MAP3K2: variants seen among roughly 807,000 people sequenced by gnomAD.
The protein encoded by MAP3K2 is mitogen-activated protein kinase kinase kinase 2, also known as MAP/ERK kinase kinase 2.
A neutral mutation model predicts 80.3 loss-of-function variants in MAP3K2; 24 were observed. The ratio of observed to expected loss-of-function variants is 0.30; its 90% CI spans 0.22 to 0.42. MAP3K2 has a LOEUF of 0.42. Ranked by LOEUF, MAP3K2 falls within the 10% of genes least tolerant of loss-of-function variation. The pLI, the probability that MAP3K2 is intolerant of heterozygous loss-of-function variation, is 1.00. For missense variants in MAP3K2, 608 were observed against 750.1 expected, an observed-to-expected ratio of 0.81 and a Z score of 2.21; for synonymous variants, 244 against 253.7, an observed-to-expected ratio of 0.96 and a Z score of 0.36.
rs944312575 is a variant in MAP3K2, at chr2:127,338,855, A to G, written c.123+77T>C. On this transcript the variant is annotated intron_variant, in intron 3 of 16. Transcript: ENST00000682094. ...TGATTCGAAAGTGTAAAAGCTGAAC[A>G]CATTAAACAAGTCCTCCATAAGATT... 53 of 938,934 alleles carry G rather than the reference A, an allele frequency of 5.6e-5. No individual in the cohort carries two copies. The Middle Eastern group carries it at 1.5e-3, about 26-fold the overall frequency. 58.2% of individuals were successfully genotyped at this position (938,934 alleles called of 1,614,324 possible). A position where few individuals can be genotyped will look rare whatever the true frequency, so the allele number is the denominator to read the frequency against.
rs78075546 is a variant in MAP3K2, at chr2:127,367,963, C to G, written c.-66+19489G>C. Among the ~76,000 whole-genome samples the G allele has an allele frequency of 3.1e-3, 471 of 152,346 alleles. 18 individuals carry two copies. The East Asian group carries it at 0.082, about 26-fold the overall frequency. On this transcript the variant is annotated intron_variant, in intron 1 of 16. Transcript: ENST00000682094. ...AACTACAGTCATCCCTCAGTATCCA[C>G]AAGGGACTTGTCTCAGGACCCCATA... is the stretch of plus-strand genomic sequence containing the variant.
rs981527271 is a variant in MAP3K2 at position 127,305,864 on chromosome 2, T to C, written c.*1715A>G. On this transcript the variant is annotated 3_prime_UTR_variant, in exon 17 of 17. Transcript: ENST00000682094. ...AATGTCCTTGCTCTTATTGGATACA[T>C]TGTACTAGAAATACGTGGCAGCTTT... 2.0e-5 allele frequency: 3 copies of C among 152,110 alleles called. No individual in the cohort carries two copies. The highest frequency in any genetic ancestry group is 4.8e-5 in the African/African-American group (2 of 41,424). 9.4% of individuals were successfully genotyped at this position (152,110 alleles called of 1,614,324 possible).
At chr2:127,373,614 T>A (rs577547443) in intron 1 of MAP3K2, among the ~76,000 whole-genome samples, 1 of 152,182 alleles carries the variant, frequency 6.6e-6, no homozygotes, top group African/African-American at 2.4e-5. Context: ...TCAAAGGCAA[T>A]TAGATCGCAC....
chr2:127,384,110 T>C (rs1687301480), intron 1 of MAP3K2, among the ~76,000 whole-genome samples: 2 of 151,798 alleles, frequency 1.3e-5, no homozygotes, highest in African/African-American at 4.8e-5. Context: ...TTAGCCAGGA[T>C]GGTCTTGATC....
Position 127,310,686 on chromosome 2 carries a change from A to T in MAP3K2, c.1457-1924T>A, listed in dbSNP as rs976403405. Among the ~76,000 whole-genome samples, 1 of 152,074 alleles carries T rather than the reference A, an allele frequency of 6.6e-6. No homozygotes were observed. Among genetic ancestry groups the T allele is most frequent in the Admixed American group, 6.6e-5 (1 of 15,260 alleles). Reference sequence around the variant, plus strand: ...AAACAAAAAACCAAGCTTGGGCACTAGGCTCACTTGTTTTTTATTCTCTAT... The same window carrying T: ...AAACAAAAAACCAAGCTTGGGCACTTGGCTCACTTGTTTTTTATTCTCTAT... On this transcript the variant is annotated intron_variant, in intron 15 of 16. Coordinates refer to ENST00000682094, the MANE Select transcript of MAP3K2 (RefSeq NM_001371910.2). The surrounding 1 kb of genome is among the most constrained non-coding windows in gnomAD (Gnocchi z 4.8).
intron 5 of MAP3K2, among the ~76,000 whole-genome samples, chr2:127,332,574 G>A (rs994263433): frequency 6.6e-6 from 1 of 152,212 alleles, no homozygotes; most frequent in South Asian, 2.1e-4. Context: ...TGAGGACTAA[G>A]AGTCATGAAC....
At position 127,304,491 on chromosome 2, in the gene MAP3K2, C is replaced by T. The variant is rs1416423006; in HGVS notation, c.*3088G>A. 1.3e-5 allele frequency: 2 copies of T among 152,208 alleles called. No individual in the cohort carries two copies. The highest frequency in any genetic ancestry group is 4.8e-5 in the African/African-American group (2 of 41,444). 9.4% of individuals were successfully genotyped at this position (152,208 alleles called of 1,614,324 possible). A position where few individuals can be genotyped will look rare whatever the true frequency, so the allele number is the denominator to read the frequency against. ...AGCACATATAAGACTGCTAGTGAAT[C>T]TTCTCCAGCACCAAAAAGTCTGCCA... On this transcript the variant is annotated 3_prime_UTR_variant, in exon 17 of 17. Transcript: ENST00000682094.
chr2:127,346,219 A>T (rs975212738), intron 1 of MAP3K2, among the ~76,000 whole-genome samples: 2 of 151,802 alleles, frequency 1.3e-5, no homozygotes, highest in Non-Finnish European at 2.9e-5. Context: ...AACAAATTAG[A>T]TGACTGAGAT....
intron 1 of MAP3K2, among the ~76,000 whole-genome samples, chr2:127,384,442 C>T (rs1364767990): frequency 6.6e-6 from 1 of 152,054 alleles, no homozygotes; most frequent in African/African-American, 2.4e-5. Flanking sequence ...TTCTAGATGC[C>T]ATTAAGAACA....
rs1685536352 is a variant in MAP3K2, at chr2:127,298,878, C to A, written c.*8701G>T. 1 of 152,030 alleles carries A rather than the reference C, an allele frequency of 6.6e-6. No individual in the cohort carries two copies. Among genetic ancestry groups the A allele is most frequent in the African/African-American group, 2.4e-5 (1 of 41,382 alleles). 9.4% of individuals were successfully genotyped at this position (152,030 alleles called of 1,614,324 possible). A position where few individuals can be genotyped will look rare whatever the true frequency, so the allele number is the denominator to read the frequency against. On this transcript the variant is annotated 3_prime_UTR_variant, in exon 17 of 17. Coordinates refer to ENST00000682094, the MANE Select transcript of MAP3K2 (RefSeq NM_001371910.2). Reference sequence around the variant, plus strand: ...CAACAAAATGTGTGCCAACAATATACAAATTTCCATATAAACAAAGTCATT... The same window carrying A: ...CAACAAAATGTGTGCCAACAATATAAAAATTTCCATATAAACAAAGTCATT...
rs1687372539 is a variant in MAP3K2 at position 127,387,290 on chromosome 2, C to G, written c.-66+162G>C. Among the ~76,000 whole-genome samples, 3 of 152,102 alleles carry G rather than the reference C, an allele frequency of 2.0e-5. No homozygotes were observed. The South Asian group carries it at 6.2e-4, about 32-fold the overall frequency. ...ATGCAGGGGGCCCAAGGTCCGCCCT[C>G]CCGCAGCTAGGCAATCACCCAGCGA... is the stretch of plus-strand genomic sequence containing the variant. On this transcript the variant is annotated intron_variant, in intron 1 of 16. Transcript: ENST00000682094.
chr2:127,388,041 T>C, upstream of MAP3K2: 1 of 982,596 alleles, frequency 1.0e-6, no homozygotes, highest in African/African-American at 1.8e-5. Context: ...CGCCCGGCGG[T>C]AGCGGAACCC....
At chr2:127,367,291 A>T (rs961850437) in intron 1 of MAP3K2, among the ~76,000 whole-genome samples, 5 of 152,192 alleles carry the variant, frequency 3.3e-5, no homozygotes, top group Admixed American at 3.3e-4. Context: ...AGCAACTAAG[A>T]AGTTTTGTAA....
At chr2:127,353,722 A>G (rs1407264434) in intron 1 of MAP3K2, among the ~76,000 whole-genome samples, 2 of 151,692 alleles carry the variant, frequency 1.3e-5, no homozygotes, top group Non-Finnish European at 1.5e-5. Flanking sequence ...CTGCCCGGCC[A>G]CCACCCCGTC....
At chr2:127,319,673 A>AAAAAAG (rs1558975365) in intron 12 of MAP3K2, among the ~76,000 whole-genome samples, 52 of 142,562 alleles carry the variant, frequency 3.6e-4, no homozygotes, top group Middle Eastern at 3.6e-3. Flanking sequence ...AAAAAAAAAA[A>AAAAAAG]AAAAAGAAAA....
rs531534481 is a variant in MAP3K2, at chr2:127,330,043, C to T, written c.379-35G>A. 3 of 1,233,306 alleles carry T rather than the reference C, an allele frequency of 2.4e-6. No homozygotes were observed. The South Asian group carries it at 3.6e-5, about 15-fold the overall frequency. The allele number at this position is 1,233,306 out of a possible 1,614,324, so 76.4% of individuals were successfully genotyped here. ...AGAAAAGACAGTTAATGCTATTCTT[C>T]CTCCTTGGGGCTTTAAACAGAATCC... On this transcript the variant is annotated intron_variant, in intron 6 of 16. Transcript: ENST00000682094.
chr2:127,350,253 T>C (rs1482908275), intron 1 of MAP3K2, among the ~76,000 whole-genome samples: 1 of 151,776 alleles, frequency 6.6e-6, no homozygotes, highest in East Asian at 1.9e-4. Context: ...TTATCAAATA[T>C]GGGACAATTT....
chr2:127,342,875 TCACAA>T (rs754575331), intron 2 of MAP3K2, among the ~76,000 whole-genome samples: 4 of 152,162 alleles, frequency 2.6e-5, no homozygotes, highest in Non-Finnish European at 5.9e-5. Flanking sequence ...TTTAAGCAAA[TCACAA>T]CACATCTTAA....
chr2:127,312,966 A>T (rs888964166), intron 15 of MAP3K2, among the ~76,000 whole-genome samples: 8 of 143,700 alleles, frequency 5.6e-5, no homozygotes, highest in Admixed American at 4.9e-4. Flanking sequence ...AATCTCTCTT[A>T]AAAAAAAAAA....
Sources: gnomAD v4.1 joint callset for allele counts (sites outside exome capture counted in the v4.1 genomes callset) on GRCh38, gnomAD v4.1.1 for gene constraint, Gnocchi (gnomAD v3.1) non-coding constraint, MANE v1.5 for transcripts, NCBI Gene and HGNC (gene_info 2026-07-23, HGNC 2026-07-21) for gene names.